The following APBA1 variants were observed in gnomAD, a reference collection of about 807,000 sequenced individuals.
The protein encoded by APBA1 is amyloid beta precursor protein binding family A member 1.
A neutral mutation model predicts 86.6 loss-of-function variants in APBA1; 55 were observed. That is an observed-to-expected ratio of 0.64 (90% CI 0.51 to 0.80). The LOEUF (loss-of-function observed/expected upper bound fraction) is 0.80, where lower values mean the gene tolerates loss of function less well. Ranked by LOEUF, APBA1 falls within the 30% of genes least tolerant of loss-of-function variation. The pLI, the probability that APBA1 is intolerant of heterozygous loss-of-function variation, is 0.00. For synonymous variants in APBA1, 511 were observed against 493.9 expected (o/e 1.03, Z -0.46); for missense variants, 1,090 against 1,183.0 (o/e 0.92, Z 1.15).
At chr9:69,434,287 T>C (rs1296452919) in intron 11 of APBA1, among the ~76,000 whole-genome samples, 3 of 152,128 alleles carry the variant, frequency 2.0e-5, no homozygotes, top group Non-Finnish European at 2.9e-5. Context: ...CAGTCCTGCA[T>C]GTCACAGAAA....
At chr9:69,471,904 G>A (rs555540080) in intron 3 of APBA1, among the ~76,000 whole-genome samples, 6 of 152,312 alleles carry the variant, frequency 3.9e-5, no homozygotes, top group African/African-American at 1.4e-4. Context: ...TCATATTTTA[G>A]ATAATCTAGA....
At chr9:69,662,689 A>T (rs1407879842) in intron 1 of APBA1, among the ~76,000 whole-genome samples, 1 of 152,178 alleles carries the variant, frequency 6.6e-6, no homozygotes, top group Admixed American at 6.5e-5. Flanking sequence ...AGAATTAAGT[A>T]ATTTAACTAA....
In APBA1 at chr9:69,432,524, G is replaced by GAC. The variant is rs1251384544; in HGVS notation, c.2442+10_2442+11dup. 1 of 1,527,404 alleles carries GAC rather than the reference G, an allele frequency of 6.5e-7. No individual in the cohort carries two copies. Among genetic ancestry groups the GAC allele is most frequent in the Non-Finnish European group, 8.8e-7 (1 of 1,133,574 alleles). 94.6% of individuals were successfully genotyped at this position (1,527,404 alleles called of 1,614,324 possible). A position where few individuals can be genotyped will look rare whatever the true frequency, so the allele number is the denominator to read the frequency against. On this transcript the variant is annotated intron_variant, in intron 12 of 12. Transcript: ENST00000265381. ...GCCCTCAGCACCACCCTCAGCCCCG[G>GAC]ACCTCTCCTACCTCCCCAACAGCAT...
chr9:69,442,467 GGGTGGGTGGGAGGAGA>G (rs1834840202), intron 10 of APBA1, among the ~76,000 whole-genome samples: 5 of 152,202 alleles, frequency 3.3e-5, no homozygotes, highest in Admixed American at 3.3e-4. Flanking sequence ...GGGAACTGTG[GGGTGGGTGGGAGGAGA>G]GGTGGGTAAC....
chr9:69,609,136 G>A (rs1822531475), intron 1 of APBA1, among the ~76,000 whole-genome samples: 1 of 152,062 alleles, frequency 6.6e-6, no homozygotes, highest in Non-Finnish European at 1.5e-5. Flanking sequence ...GATTCCTTCT[G>A]GGCATTGTAC....
At chr9:69,622,242 A>T (rs573286445) in intron 1 of APBA1, among the ~76,000 whole-genome samples, 1 of 152,366 alleles carries the variant, frequency 6.6e-6, no homozygotes, top group African/African-American at 2.4e-5. Flanking sequence ...TATGACTCAC[A>T]GTGTGTAAGA....
intron 1 of APBA1, among the ~76,000 whole-genome samples, chr9:69,527,205 A>G (rs944728068): frequency 6.6e-6 from 1 of 152,066 alleles, no homozygotes; most frequent in Non-Finnish European, 1.5e-5. Context: ...AAATCTGTAC[A>G]TGTACCCCCT....
Position 69,449,607 on chromosome 9 carries a change from ACAGAGG to A in APBA1, c.2152_2157del (p.Pro718_Leu719del). 1 of 1,613,922 alleles carries A rather than the reference ACAGAGG, an allele frequency of 6.2e-7. No individual in the cohort carries two copies. Among genetic ancestry groups the A allele is most frequent in the Non-Finnish European group, 8.5e-7 (1 of 1,179,982 alleles). ...ACCTTAATAATGCTCTGGCAGGTGG[ACAGAGG>A]CAGGCCCACCAGGCTGGTGCCATTA... is the stretch of plus-strand genomic sequence containing the variant. On this transcript the variant is annotated inframe_deletion, in exon 10 of 13. Transcript: ENST00000265381.
At chr9:69,556,476 G>A (rs1295532865) in intron 1 of APBA1, among the ~76,000 whole-genome samples, 2 of 152,146 alleles carry the variant, frequency 1.3e-5, no homozygotes, top group African/African-American at 4.8e-5. Context: ...AACTTCCACT[G>A]CAGTGAGAAT....
At chr9:69,610,799 G>C (rs10867830) in intron 1 of APBA1, among the ~76,000 whole-genome samples, 89,956 of 151,946 alleles carry the variant, frequency 0.59, 28,104 homozygotes, top group East Asian at 0.86. Context: ...AGGCATGCCA[G>C]GTTCTCCAGG....
intron 5 of APBA1, among the ~76,000 whole-genome samples, chr9:69,467,141 G>A (rs1376286273): frequency 6.6e-6 from 1 of 152,202 alleles, no homozygotes; most frequent in Non-Finnish European, 1.5e-5. Flanking sequence ...AGAGCTCTGT[G>A]TTGCTGCATT....
chr9:69,646,620 A>G (rs1823395138), intron 1 of APBA1, among the ~76,000 whole-genome samples: 1 of 152,124 alleles, frequency 6.6e-6, no homozygotes, highest in Admixed American at 6.5e-5. Context: ...GTCTGCCCAC[A>G]GAAGGGGGCA....
intron 1 of APBA1, among the ~76,000 whole-genome samples, chr9:69,639,401 T>A (rs1255366413): frequency 6.6e-6 from 1 of 152,078 alleles, no homozygotes; most frequent in Non-Finnish European, 1.5e-5. Flanking sequence ...TTAAAGAAAC[T>A]AAGAGAACCT....
chr9:69,446,631 T>C (rs1338454317), intron 10 of APBA1, among the ~76,000 whole-genome samples: 4 of 152,192 alleles, frequency 2.6e-5, no homozygotes, highest in Non-Finnish European at 4.4e-5. Context: ...GCTGCCCTCA[T>C]AGCCTCACTG....
At chr9:69,536,835 G>A (rs543177248) in intron 1 of APBA1, among the ~76,000 whole-genome samples, 39 of 150,672 alleles carry the variant, frequency 2.6e-4, no homozygotes, top group African/African-American at 8.7e-4. Context: ...AACTGAGATC[G>A]TGCCACTGCA....
chr9:69,502,600 C>A (rs1174020139), intron 2 of APBA1, among the ~76,000 whole-genome samples: 1 of 152,030 alleles, frequency 6.6e-6, no homozygotes, highest in African/African-American at 2.4e-5. Context: ...CAACTAAAGT[C>A]TCCTAGAGCA....
At chr9:69,442,219 G>T (rs970985572) in intron 10 of APBA1, among the ~76,000 whole-genome samples, 4 of 152,322 alleles carry the variant, frequency 2.6e-5, no homozygotes, top group East Asian at 3.9e-4. Flanking sequence ...ATGGCTGATA[G>T]CAGGTGCCTT....
chr9:69,470,409 C>T (rs866031741), intron 4 of APBA1, among the ~76,000 whole-genome samples: 4 of 152,134 alleles, frequency 2.6e-5, no homozygotes, highest in Non-Finnish European at 5.9e-5. Context: ...CATACTCAGG[C>T]TAATGCTGAG....
intron 1 of APBA1, among the ~76,000 whole-genome samples, chr9:69,557,978 G>C (rs889745810): frequency 5.3e-5 from 8 of 152,070 alleles, no homozygotes; most frequent in Non-Finnish European, 1.0e-4. Context: ...CCACAACTTT[G>C]ATCATTTCAT....
Sources: allele counts gnomAD v4.1 joint callset (sites outside exome capture counted in the v4.1 genomes callset), GRCh38; gene constraint gnomAD v4.1.1; transcripts MANE v1.5; gene names NCBI Gene and HGNC (gene_info 2026-07-23, HGNC 2026-07-21).